The following CD300LG variants were observed in gnomAD, a reference collection of about 807,000 sequenced individuals.
The protein encoded by CD300LG is CMRF35-like molecule 9.
In CD300LG, 29 loss-of-function variants were observed where a neutral mutation model predicts 31.5. The observed-to-expected ratio is 0.92, with a 90% CI of 0.68 to 1.25. The LOEUF (loss-of-function observed/expected upper bound fraction) is 1.25, where lower values mean the gene tolerates loss of function less well. Ranked by LOEUF, CD300LG falls within the 50% of genes most tolerant of loss-of-function variation. The pLI is 0.00. For missense variants in CD300LG, 396 were observed against 417.6 expected (o/e 0.95, Z 0.45); for synonymous variants, 175 against 177.2 (o/e 0.99, Z 0.10).
chr17:43,855,563 C>A, intron 5 of CD300LG: 1 of 385,408 alleles, frequency 2.6e-6, no homozygotes, highest in Non-Finnish European at 4.7e-6. Context: ...CCTGTCTAAA[C>A]TGATCAAGCA....
At chr17:43,857,217 T>C in intron 6 of CD300LG, 61 bp downstream of exon 6, 1 of 1,591,996 alleles carries the variant, frequency 6.3e-7, no homozygotes. Flanking sequence ...AAGTCAAGAT[T>C]CCTGGGCTTT....
In CD300LG at chr17:43,853,861, C is replaced by T. The variant is rs765955166; in HGVS notation, c.536C>T (p.Ala179Val). The part of the protein sequence containing the change: ...ATTAKQGKTG[A>V]EAPPLPGTSQ... ...ACAGCCAAGCAGGGGAAGACAGGGGCTGAGGCCCCTCCATTGCCAGGGACT... is the reference window on the plus strand; with the variant it reads ...ACAGCCAAGCAGGGGAAGACAGGGGTTGAGGCCCCTCCATTGCCAGGGACT... Residue 179 changes from alanine (A) to valine (V), a missense_variant, in exon 4 of 7, where the codon GCT becomes GTT. Physicochemically the swap from Ala to Val is moderately conservative, Grantham distance 64. Transcript: ENST00000317310. 9.3e-6 allele frequency: 15 copies of T among 1,614,150 alleles called. No individual in the cohort carries two copies. The highest frequency in any genetic ancestry group is 1.3e-5 in the Non-Finnish European group (15 of 1,180,012).
intron 2 of CD300LG, among the ~76,000 whole-genome samples, chr17:43,851,200 G>C (rs1353782752): frequency 6.7e-6 from 1 of 149,388 alleles, no homozygotes; most frequent in Non-Finnish European, 1.5e-5. Flanking sequence ...TAAATACTCT[G>C]TATTTGCAAA....
chr17:43,863,091 G>C lies in CD300LG; in HGVS notation c.*1180G>C, dbSNP rs1020403631. 2 of 152,146 alleles carry C rather than the reference G, an allele frequency of 1.3e-5. No individual in the cohort carries two copies. Among genetic ancestry groups the C allele is most frequent in the African/African-American group, 2.4e-5 (1 of 41,432 alleles). 9.4% of individuals were successfully genotyped at this position (152,146 alleles called of 1,614,324 possible). On this transcript the variant is annotated 3_prime_UTR_variant, in exon 7 of 7. Coordinates refer to ENST00000317310, the MANE Select transcript of CD300LG (RefSeq NM_145273.4). The stretch of plus-strand genomic sequence containing the variant: ...TGCCCAGGCTGGAGTGCAGTGGCAC[G>C]ATCTGCAAACTCCGCCTCCTGGGTT...
In CD300LG at chr17:43,854,244, C is replaced by T. The variant is rs547100225; in HGVS notation, c.719+200C>T. Among the ~76,000 whole-genome samples, 3 of 152,362 alleles carry T rather than the reference C, an allele frequency of 2.0e-5. No individual in the cohort carries two copies. In the South Asian group the frequency reaches 6.2e-4, roughly 32 times the overall value. On this transcript the variant is annotated intron_variant, in intron 4 of 6. Transcript: ENST00000317310. ...CTATAGGAGCCAGCAGCTCTGCTGCCTGTCCAGTGTGAAGGGTCCACCAGG... is the reference window on the plus strand; with the variant it reads ...CTATAGGAGCCAGCAGCTCTGCTGCTTGTCCAGTGTGAAGGGTCCACCAGG...
chr17:43,853,401 G>C (rs1318141261), intron 3 of CD300LG, among the ~76,000 whole-genome samples: 1 of 152,176 alleles, frequency 6.6e-6, no homozygotes, highest in African/African-American at 2.4e-5. Flanking sequence ...GGTTGGGGAG[G>C]GGGCACATGG....
chr17:43,855,073 C>G (rs545779857), intron 4 of CD300LG, 134 bp from the exon 5 acceptor site: 6 of 172,490 alleles, frequency 3.5e-5, no homozygotes, highest in African/African-American at 7.5e-5. Flanking sequence ...CACCACCCCC[C>G]ACAAGTCTCT....
intron 3 of CD300LG, 116 bp downstream of exon 3, chr17:43,853,129 C>A: frequency 1.2e-6 from 1 of 828,240 alleles, no homozygotes; most frequent in Non-Finnish European, 1.9e-6. Context: ...TCCCCACAAG[C>A]CTGGGAGCTG....
At chr17:43,860,029 C>T (rs116903434) in intron 6 of CD300LG, among the ~76,000 whole-genome samples, 1 of 152,340 alleles carries the variant, frequency 6.6e-6, no homozygotes, top group Non-Finnish European at 1.5e-5. Flanking sequence ...AGCCACCACA[C>T]CCAGGCTTCA....
At chr17:43,853,709 C>T in intron 3 of CD300LG, 98 bp from the exon 4 acceptor site, 1 of 963,708 alleles carries the variant, frequency 1.0e-6, no homozygotes, top group Non-Finnish European at 1.6e-6. Flanking sequence ...GAAACGGGTC[C>T]CAGGGAGGCT....
intron 6 of CD300LG, among the ~76,000 whole-genome samples, chr17:43,858,815 G>C (rs1370084902): frequency 6.6e-6 from 1 of 152,146 alleles, no homozygotes; most frequent in East Asian, 1.9e-4. Context: ...GCCTCACAGG[G>C]GTGTGAAAAC....
intron 6 of CD300LG, 49 bp from the exon 7 acceptor site, chr17:43,861,749 A>G (rs750623263): frequency 2.3e-6 from 3 of 1,305,178 alleles, no homozygotes; most frequent in Non-Finnish European, 3.1e-6. Context: ...CACACCTCCC[A>G]CCCCTTCATC....
chr17:43,863,257 G>A lies in CD300LG; in HGVS notation c.*1346G>A, dbSNP rs1452028103. On this transcript the variant is annotated 3_prime_UTR_variant, in exon 7 of 7. Transcript: ENST00000317310. ...TGGTCTTGAACTCCTGACCTCAAAT[G>A]AGCCTCCTGCTTCAGTCTCCCAAAT... is the stretch of plus-strand genomic sequence containing the variant. 1 of 152,138 alleles carries A rather than the reference G, an allele frequency of 6.6e-6. No homozygotes were observed. Among genetic ancestry groups the A allele is most frequent in the East Asian group, 1.9e-4 (1 of 5,194 alleles). The allele number at this position is 152,138 out of a possible 1,614,324, so 9.4% of individuals were successfully genotyped here. A position where few individuals can be genotyped will look rare whatever the true frequency, so the allele number is the denominator to read the frequency against.
chr17:43,848,783 T>C lies in CD300LG; in HGVS notation c.269T>C (p.Leu90Pro). ...CGTGACAGCCGCCAGGAGCTCTCGC[T>C]CATTGTGACCCTGTGGAACCTCACC... Reference protein sequence around the residue: ...SIRDSRQELSLIVTLWNLTLQ... With the variant: ...SIRDSRQELSPIVTLWNLTLQ... The change falls in exon 2 of 7, where the codon CTC becomes CCC. Residue 90 changes from leucine to proline, a missense_variant. Transcript: ENST00000317310. 1 of 1,614,136 alleles carries C rather than the reference T, an allele frequency of 6.2e-7. No individual in the cohort carries two copies. The highest frequency in any genetic ancestry group is 8.5e-7 in the Non-Finnish European group (1 of 1,180,038).
In CD300LG at chr17:43,848,593, G is replaced by T; in HGVS notation, c.79G>T (p.Gly27Trp). 1.2e-6 allele frequency: 2 copies of T among 1,613,982 alleles called. No individual in the cohort carries two copies. Among genetic ancestry groups the T allele is most frequent in the South Asian group, 1.1e-5 (1 of 91,070 alleles). Reference protein sequence around the residue: ...EALEGPEEISGFEGDTVSLQC... With the variant: ...EALEGPEEISWFEGDTVSLQC... ...CCTGGAGGGCCCAGAGGAAATCAGC[G>T]GGTTCGAAGGGGACACTGTGTCCCT... Residue 27 changes from glycine to tryptophan, a missense_variant, in exon 2 of 7, where the codon GGG (glycine) becomes TGG (tryptophan). Coordinates refer to ENST00000317310, the MANE Select transcript of CD300LG (RefSeq NM_145273.4).
At chr17:43,847,346 C>CA in intron 1 of CD300LG, 87 bp downstream of exon 1, 1 of 1,444,298 alleles carries the variant, frequency 6.9e-7, no homozygotes, top group Non-Finnish European at 9.5e-7. Context: ...CTGATAGCCC[C>CA]ACCCCACCTA....
chr17:43,853,722 G>A, intron 3 of CD300LG, 85 bp from the exon 4 acceptor site: 3 of 1,103,794 alleles, frequency 2.7e-6, no homozygotes, highest in Non-Finnish European at 4.0e-6. Flanking sequence ...GGGAGGCTAG[G>A]GTTCAGGGGT....
chr17:43,859,663 T>A (rs922989732), intron 6 of CD300LG, among the ~76,000 whole-genome samples: 1 of 151,960 alleles, frequency 6.6e-6, no homozygotes, highest in African/African-American at 2.4e-5. Flanking sequence ...ATGTCAGGAG[T>A]CCTCTGGTGT....
chr17:43,854,534 G>A (rs915618938), intron 4 of CD300LG, among the ~76,000 whole-genome samples: 1 of 152,162 alleles, frequency 6.6e-6, no homozygotes, highest in African/African-American at 2.4e-5. Context: ...GGCAATGGGG[G>A]CGGGGATCCG....
Sources: allele counts gnomAD v4.1 joint callset (sites outside exome capture counted in the v4.1 genomes callset), GRCh38; gene constraint gnomAD v4.1.1; transcripts MANE v1.5; gene names NCBI Gene and HGNC (gene_info 2026-07-23, HGNC 2026-07-21).